Variants in SASS6 observed in about 807,000 individuals in gnomAD.
SASS6 encodes the protein spindle assembly abnormal protein 6 homolog.
Under a neutral mutation model 94.9 loss-of-function variants are expected in SASS6, and 59 were observed. The ratio of observed to expected loss-of-function variants is 0.62; its 90% CI spans 0.50 to 0.77. The LOEUF is 0.77. Ranked by LOEUF, SASS6 falls within the 30% of genes least tolerant of loss-of-function variation. The pLI is 0.00. For synonymous variants in SASS6, 264 were observed against 270.0 expected, an observed-to-expected ratio of 0.98 and a Z score of 0.22; for missense variants, 698 against 734.1, an observed-to-expected ratio of 0.95 and a Z score of 0.57.
intron 7 of SASS6, among the ~76,000 whole-genome samples, chr1:100,118,756 TACAG>T (rs1379910938): frequency 1.8e-5 from 1 of 55,164 alleles, no homozygotes; most frequent in African/African-American, 3.6e-5. Context: ...TGACATAATT[TACAG>T]AGTTATAAGT....
In SASS6 at chr1:100,122,456, C is replaced by A; in HGVS notation, c.235G>T (p.Asp79Tyr). Residue 79 changes from aspartate (D) to tyrosine (Y), a missense_variant, in exon 4 of 17, where the codon GAC becomes TAC. Physicochemically the swap from Asp to Tyr is radical, Grantham distance 160 (BLOSUM62 -3). Transcript: ENST00000287482. ...SLKFQQGLLV[D>Y]FLAFPQKFID... ...AATTTTTGTGGGAAAGCTAAGAAGT[C>A]TACCAGAAGACCTTGCTGGAATTTT... is the stretch of plus-strand genomic sequence containing the variant. The A allele has an allele frequency of 6.4e-7, 1 of 1,558,264 alleles. No individual in the cohort carries two copies. Among genetic ancestry groups the A allele is most frequent in the South Asian group, 1.1e-5 (1 of 89,096 alleles).
chr1:100,103,202 A>T, intron 13 of SASS6, 119 bp from the exon 14 acceptor site: 1 of 629,276 alleles, frequency 1.6e-6, no homozygotes, highest in Non-Finnish European at 2.7e-6. Flanking sequence ...ACTATCTCAG[A>T]CGCCAGTCTT....
chr1:100,129,316 C>T (rs1292920644), intron 1 of SASS6, among the ~76,000 whole-genome samples: 3 of 151,908 alleles, frequency 2.0e-5, no homozygotes, highest in South Asian at 4.2e-4. Flanking sequence ...TCTCTGTCCT[C>T]AAATTGAGAT....
At chr1:100,102,927 C>G in intron 14 of SASS6, 28 bp downstream of exon 14, 1 of 1,570,450 alleles carries the variant, frequency 6.4e-7, no homozygotes, top group Non-Finnish European at 8.7e-7. Context: ...TATTTTTTCC[C>G]AGAACAAGTA....
intron 2 of SASS6, among the ~76,000 whole-genome samples, chr1:100,124,687 C>T (rs1406894541): frequency 2.6e-5 from 4 of 152,100 alleles, no homozygotes; most frequent in Non-Finnish European, 5.9e-5. Context: ...GGCACAGATG[C>T]CGTATTTCTT....
chr1:100,116,976 AAAC>A (rs762421594), intron 7 of SASS6, among the ~76,000 whole-genome samples: 2 of 152,172 alleles, frequency 1.3e-5, no homozygotes, highest in African/African-American at 2.4e-5. Flanking sequence ...AAGTACATAA[AAAC>A]AACAATAAAA....
chr1:100,117,167 G>GCC (rs1251300704), intron 7 of SASS6, among the ~76,000 whole-genome samples: 3 of 151,478 alleles, frequency 2.0e-5, no homozygotes, highest in African/African-American at 7.3e-5. Flanking sequence ...GGTGGCACAT[G>GCC]TGTAATTCCA....
At chr1:100,103,709 T>C (rs1193778168) in intron 13 of SASS6, among the ~76,000 whole-genome samples, 1 of 152,214 alleles carries the variant, frequency 6.6e-6, no homozygotes, top group Non-Finnish European at 1.5e-5. Context: ...AAAATCTTTT[T>C]TAAGTTTGTA....
At position 100,125,222 on chromosome 1, in the gene SASS6, A is replaced by AGTGTGTGT. The variant is rs59388922; in HGVS notation, c.126+652_126+659dup. ...TGAAATGCCAATTCTACAAGGCAGC[A>AGTGTGTGT]GTGTGTGTGTGTGTGTGTGTGTGTG... On this transcript the variant is annotated intron_variant, in intron 2 of 16. Transcript: ENST00000287482. 1.6e-3 allele frequency among the ~76,000 whole-genome samples: 233 copies of AGTGTGTGT among 143,712 alleles called. 1 individual carries two copies. The highest frequency in any genetic ancestry group is 3.2e-3 in the African/African-American group (126 of 39,098). 94.3% of individuals were successfully genotyped at this position (143,712 alleles called of 152,430 possible).
At chr1:100,112,756 G>A (rs1357431493) in intron 7 of SASS6, among the ~76,000 whole-genome samples, 1 of 152,288 alleles carries the variant, frequency 6.6e-6, no homozygotes, top group Middle Eastern at 3.4e-3. Context: ...TATGGCAGTG[G>A]TTATCAAAGT....
intron 7 of SASS6, among the ~76,000 whole-genome samples, chr1:100,117,282 A>G (rs2101679008): frequency 6.7e-6 from 1 of 150,082 alleles, no homozygotes; most frequent in South Asian, 2.1e-4. Context: ...CAAGAGCGAA[A>G]TTCTGTCTCA....
chr1:100,122,788 T>C (rs1163538903), intron 3 of SASS6, among the ~76,000 whole-genome samples: 3 of 152,104 alleles, frequency 2.0e-5, no homozygotes, highest in Non-Finnish European at 2.9e-5. Flanking sequence ...TCTGACCTCA[T>C]GATCCGCCCT....
In SASS6 at chr1:100,084,783, T is replaced by TA. The variant is rs1423451987; in HGVS notation, c.*544dup. The TA allele has an allele frequency of 6.6e-6, 1 of 152,186 alleles. No individual in the cohort carries two copies. Among genetic ancestry groups the TA allele is most frequent in the African/African-American group, 2.4e-5 (1 of 41,454 alleles). The allele number at this position is 152,186 out of a possible 1,614,324, so 9.4% of individuals were successfully genotyped here. A position where few individuals can be genotyped will look rare whatever the true frequency, so the allele number is the denominator to read the frequency against. On this transcript the variant is annotated 3_prime_UTR_variant, in exon 17 of 17. Coordinates refer to ENST00000287482, the MANE Select transcript of SASS6 (RefSeq NM_194292.3). ...GCAAATTTAAATGCTTCAAGGAAAATACGCTATGAAGGCTTAATTCATTTC... is the reference window on the plus strand; with the variant it reads ...GCAAATTTAAATGCTTCAAGGAAAATAACGCTATGAAGGCTTAATTCATTTC...
rs778081127 is a variant in SASS6 at position 100,107,927 on chromosome 1, T to C, written c.939A>G (p.Lys313=). 5.6e-6 allele frequency: 9 copies of C among 1,613,090 alleles called. No homozygotes were observed. Among genetic ancestry groups the C allele is most frequent in the Non-Finnish European group, 7.6e-6 (9 of 1,179,274 alleles). ...NSTLDVECHE[K]EKHVNQLQTK... is the part of the protein sequence containing the mutation. ...TTTGTAGCTGATTAACGTGCTTTTC[T>C]TTCTCGTGGCATTCAACATCTAGTG... The change falls in exon 9 of 17, where the codon AAA becomes AAG. Residue 313 remains lysine (K), a synonymous_variant. Transcript: ENST00000287482.
intron 2 of SASS6, among the ~76,000 whole-genome samples, chr1:100,125,384 G>C (rs1654528162): frequency 6.6e-6 from 1 of 151,420 alleles, no homozygotes; most frequent in Non-Finnish European, 1.5e-5. Context: ...GTATGTTTTA[G>C]AAATATATGG....
chr1:100,098,780 C>A (rs1023970896), intron 14 of SASS6, among the ~76,000 whole-genome samples: 1 of 152,304 alleles, frequency 6.6e-6, no homozygotes, highest in African/African-American at 2.4e-5. Context: ...TTCTGATACA[C>A]TGCAGTTACC....
intron 7 of SASS6, among the ~76,000 whole-genome samples, chr1:100,115,867 T>C (rs898469230): frequency 1.2e-4 from 19 of 152,162 alleles, no homozygotes; most frequent in African/African-American, 1.7e-4. Context: ...TTTTAAATCA[T>C]TGGGGAACAA....
chr1:100,125,022 G>C (rs1331991463), intron 2 of SASS6, among the ~76,000 whole-genome samples: 2 of 152,118 alleles, frequency 1.3e-5, no homozygotes, highest in Non-Finnish European at 2.9e-5. Context: ...ACCAGTAAGT[G>C]GCCAGGGGGT....
chr1:100,102,783 A>G (rs1652599447), intron 14 of SASS6, among the ~76,000 whole-genome samples, 172 bp downstream of exon 14: 2 of 152,060 alleles, frequency 1.3e-5, no homozygotes, highest in Admixed American at 1.3e-4. Context: ...TATAGTGCAT[A>G]TATTTCCTGT....
Sources: gnomAD v4.1 joint callset for allele counts (sites outside exome capture counted in the v4.1 genomes callset) on GRCh38, gnomAD v4.1.1 for gene constraint, MANE v1.5 for transcripts, NCBI Gene and HGNC (gene_info 2026-07-23, HGNC 2026-07-21) for gene names.